The following MYO5A variants were observed in gnomAD, a reference collection of about 807,000 sequenced individuals.
The protein encoded by MYO5A is myosin VA, also known as unconventional myosin-Va.
In MYO5A, 98 loss-of-function variants were observed where a neutral mutation model predicts 249.7. The observed-to-expected ratio is 0.39, with a 90% CI of 0.33 to 0.46. The LOEUF (loss-of-function observed/expected upper bound fraction) is 0.46, where lower values mean the gene tolerates loss of function less well. Among genes scored for constraint, MYO5A ranks in the 20% least tolerant of loss-of-function variants. The pLI is 0.98. For missense variants in MYO5A, 1,696 were observed against 2,308.8 expected, an observed-to-expected ratio of 0.73 and a Z score of 5.44; for synonymous variants, 778 against 810.6, an observed-to-expected ratio of 0.96 and a Z score of 0.68.
chr15:52,379,991 T>C, intron 16 of MYO5A, 83 bp from the exon 17 acceptor site: 1 of 1,426,900 alleles, frequency 7.0e-7, no homozygotes, highest in East Asian at 2.3e-5. Flanking sequence ...GGGTGTAAAT[T>C]CTTTCGTAAG....
chr15:52,381,795 C>CACACACAT (rs2041753985), intron 16 of MYO5A, among the ~76,000 whole-genome samples: 2 of 152,152 alleles, frequency 1.3e-5, no homozygotes, highest in Non-Finnish European at 2.9e-5. Flanking sequence ...CACACACACA[C>CACACACAT]ACACACACAC....
intron 27 of MYO5A, among the ~76,000 whole-genome samples, chr15:52,352,651 C>T (rs576023640): frequency 3.9e-5 from 6 of 152,076 alleles, no homozygotes; most frequent in South Asian, 2.1e-4. Context: ...GGCGTGGTGG[C>T]GGGCACCTGT....
chr15:52,349,415 T>C (rs2039829269), intron 28 of MYO5A, among the ~76,000 whole-genome samples: 1 of 152,070 alleles, frequency 6.6e-6, no homozygotes, highest in Non-Finnish European at 1.5e-5. Flanking sequence ...GCATTTCTCC[T>C]AGGATGGGAC....
chr15:52,473,402 G>A (rs1257441325), intron 1 of MYO5A, among the ~76,000 whole-genome samples: 2 of 152,146 alleles, frequency 1.3e-5, no homozygotes, highest in Non-Finnish European at 2.9e-5. Flanking sequence ...AGTTTAATTA[G>A]ATCCCATTTG....
chr15:52,333,083 C>A (rs983800270), intron 34 of MYO5A, among the ~76,000 whole-genome samples: 1 of 152,210 alleles, frequency 6.6e-6, no homozygotes, highest in Admixed American at 6.5e-5. Flanking sequence ...CCTGCCATCT[C>A]GGAAGCAGAA....
chr15:52,384,340 T>C lies in MYO5A; in HGVS notation c.1753-18A>G. ...ATCTTAAACTAAGTCAGAAACAATA[T>C]AAAGAAATTACATTCTAAACCAAAC... is the stretch of plus-strand genomic sequence containing the variant. On this transcript the variant is annotated intron_variant, in intron 14 of 41. Coordinates refer to ENST00000399233, the MANE Select transcript of MYO5A (RefSeq NM_001382347.1). 1.9e-6 allele frequency: 3 copies of C among 1,612,916 alleles called. No individual in the cohort carries two copies. Among genetic ancestry groups the C allele is most frequent in the Non-Finnish European group, 1.7e-6 (2 of 1,178,932 alleles).
chr15:52,498,621 T>C (rs575959158), intron 1 of MYO5A, among the ~76,000 whole-genome samples: 4 of 152,228 alleles, frequency 2.6e-5, no homozygotes, highest in Non-Finnish European at 4.4e-5. Context: ...CTTAGTGTTT[T>C]CTATTCTTCT....
In MYO5A at chr15:52,383,491, A is replaced by G. The variant is rs537655404; in HGVS notation, c.1915-303T>C. Among the ~76,000 whole-genome samples the G allele has an allele frequency of 7.2e-5, 11 of 152,360 alleles. No individual in the cohort carries two copies. In the East Asian group the frequency reaches 1.5e-3, roughly 21 times the overall value. Reference sequence around the variant, plus strand: ...AGCTTAGTCATATGTAACTAACAATATAACCTTGCTTTAAGGCTATTTAAT... The same window carrying G: ...AGCTTAGTCATATGTAACTAACAATGTAACCTTGCTTTAAGGCTATTTAAT... On this transcript the variant is annotated intron_variant, in intron 15 of 41. Coordinates refer to ENST00000399233, the MANE Select transcript of MYO5A (RefSeq NM_001382347.1).
At chr15:52,388,541 G>A (rs1376286991) in intron 13 of MYO5A, among the ~76,000 whole-genome samples, 1 of 152,166 alleles carries the variant, frequency 6.6e-6, no homozygotes, top group African/African-American at 2.4e-5. Context: ...GATGGAATTA[G>A]GGCAGACTTA....
intron 36 of MYO5A, among the ~76,000 whole-genome samples, chr15:52,326,721 G>A (rs1178334013): frequency 1.3e-5 from 2 of 152,142 alleles, no homozygotes; most frequent in South Asian, 2.1e-4. Context: ...TGTTATGTAT[G>A]TTTTACCTAA....
rs2040057948 is a variant in MYO5A at position 52,353,606 on chromosome 15, T to C, written c.3620A>G (p.Lys1207Arg). The change falls in exon 27 of 42, where the codon AAG (lysine) becomes AGG (arginine). Residue 1207 changes from lysine (K) to arginine (R), a missense_variant and splice_region_variant. Physicochemically the swap from Lys to Arg is conservative, Grantham distance 26 (BLOSUM62 2). Coordinates refer to ENST00000399233, the MANE Select transcript of MYO5A (RefSeq NM_001382347.1). ...TCTTGAGCAGAAACTCCCCATTACC[T>C]TGAGTGACTCATATTCCAGTTCTGC... is the stretch of plus-strand genomic sequence containing the variant. ...RGAELEYESLKRQELESENKK... is the reference protein window; with the variant it reads ...RGAELEYESLRRQELESENKK... The C allele has an allele frequency of 2.5e-6, 4 of 1,613,722 alleles. No homozygotes were observed. Among genetic ancestry groups the C allele is most frequent in the Non-Finnish European group, 3.4e-6 (4 of 1,179,692 alleles).
chr15:52,424,722 A>G (rs552943850), intron 4 of MYO5A, among the ~76,000 whole-genome samples: 32 of 152,196 alleles, frequency 2.1e-4, no homozygotes, highest in Non-Finnish European at 3.5e-4. Flanking sequence ...TTCCCATATT[A>G]TATTTATAAT....
At chr15:52,447,462 T>C (rs1286158419) in intron 1 of MYO5A, among the ~76,000 whole-genome samples, 2 of 152,220 alleles carry the variant, frequency 1.3e-5, no homozygotes, top group African/African-American at 2.4e-5. Context: ...TATTTCTTTA[T>C]AGCAATGCAA....
At chr15:52,526,730 G>C (rs1296545231) in intron 1 of MYO5A, among the ~76,000 whole-genome samples, 1 of 152,108 alleles carries the variant, frequency 6.6e-6, no homozygotes, top group Non-Finnish European at 1.5e-5. Context: ...TTTTAAAATA[G>C]ATTGTGATAA....
chr15:52,499,309 T>A (rs979879652), intron 1 of MYO5A, among the ~76,000 whole-genome samples: 6 of 152,220 alleles, frequency 3.9e-5, no homozygotes, highest in Non-Finnish European at 5.9e-5. Context: ...ATTTTCTTTT[T>A]TTATTATTAT....
In MYO5A at chr15:52,327,236, G is replaced by A. The variant is rs1567022310; in HGVS notation, c.4710+616C>T. On this transcript the variant is annotated intron_variant, in intron 36 of 41. Transcript: ENST00000399233. ...GTATATATGAACTCTACTAAATATTGTTTAGTTCTAAGTAAAACCTCAAAC... is the reference window on the plus strand; with the variant it reads ...GTATATATGAACTCTACTAAATATTATTTAGTTCTAAGTAAAACCTCAAAC... 2.6e-5 allele frequency among the ~76,000 whole-genome samples: 4 copies of A among 152,196 alleles called. No homozygotes were observed. The South Asian group carries it at 8.3e-4, about 32-fold the overall frequency.
At chr15:52,487,015 T>C (rs765047616) in intron 1 of MYO5A, among the ~76,000 whole-genome samples, 56 of 152,326 alleles carry the variant, frequency 3.7e-4, no homozygotes, top group Non-Finnish European at 5.7e-4. Flanking sequence ...GAAGACTCTG[T>C]GATACAAGTT....
intron 36 of MYO5A, 84 bp from the exon 37 acceptor site, chr15:52,323,528 A>T: frequency 1.1e-6 from 1 of 935,904 alleles, no homozygotes; most frequent in Non-Finnish European, 1.7e-6. Flanking sequence ...CAAAAGACCC[A>T]TTTCTTTCAG....
In MYO5A at chr15:52,343,202, C is replaced by T. The variant is rs765623300; in HGVS notation, c.3960-5G>A. 279 of 1,611,976 alleles carry T rather than the reference C, an allele frequency of 1.7e-4. 2 individuals are homozygous for T. Among genetic ancestry groups the T allele is most frequent in the Non-Finnish European group, 2.1e-5 (25 of 1,178,064 alleles). ...TGGTAATCCAGAGCAGATGATCTTC[C>T]ATGCAAAAGGAACAACAATGCAAAA... On this transcript the variant is annotated splice_region_variant and splice_polypyrimidine_tract_variant and intron_variant, in intron 30 of 41. Transcript: ENST00000399233.
Sources: gnomAD v4.1 joint callset for allele counts (sites outside exome capture counted in the v4.1 genomes callset) on GRCh38, gnomAD v4.1.1 for gene constraint, MANE v1.5 for transcripts, NCBI Gene and HGNC (gene_info 2026-07-23, HGNC 2026-07-21) for gene names.